The following ABLIM2 variants were observed in gnomAD, a reference collection of about 807,000 sequenced individuals.
The protein encoded by ABLIM2 is actin binding LIM protein family member 2.
Under a neutral mutation model 97.7 loss-of-function variants are expected in ABLIM2, and 53 were observed. The ratio of observed to expected loss-of-function variants is 0.54; its 90% CI spans 0.44 to 0.68. The LOEUF (loss-of-function observed/expected upper bound fraction) is 0.68, where lower values mean the gene tolerates loss of function less well. Among genes scored for constraint, ABLIM2 ranks in the 30% least tolerant of loss-of-function variants. The pLI, the probability that ABLIM2 is intolerant of heterozygous loss-of-function variation, is 0.00. For missense variants in ABLIM2, 835 were observed against 867.2 expected (o/e 0.96, Z 0.47); for synonymous variants, 361 against 345.8 (o/e 1.04, Z -0.49).
chr4:8,075,328 C>G lies in ABLIM2; in HGVS notation c.675+2300G>C, dbSNP rs1015987509. 6.6e-6 allele frequency among the ~76,000 whole-genome samples: 1 copy of G among 152,078 alleles called. No individual in the cohort carries two copies. Among genetic ancestry groups the G allele is most frequent in the Non-Finnish European group, 1.5e-5 (1 of 68,024 alleles). ...ACAGCTAAAAGGTATGGGGTTCTTT[C>G]TAAGGTGAGGAAACTGTTCTAAAAT... On this transcript the variant is annotated intron_variant, in intron 6 of 20. Coordinates refer to ENST00000447017, the MANE Select transcript of ABLIM2 (RefSeq NM_001130083.2). This position sits in a 1 kb window ranked among gnomAD's most constrained non-coding sequence, Gnocchi z 4.4.
chr4:8,155,994 C>T lies in ABLIM2; in HGVS notation c.10+2686G>A, dbSNP rs1014861593. Among the ~76,000 whole-genome samples the T allele has an allele frequency of 6.6e-6, 1 of 152,184 alleles. No homozygotes were observed. The highest frequency in any genetic ancestry group is 1.5e-5 in the Non-Finnish European group (1 of 68,028). Reference sequence around the variant, plus strand: ...GAATCAGCAAAAAAATAAGTGTCTTCTCTTTAAGCCACCTGGTCTTTAGTA... The same window carrying T: ...GAATCAGCAAAAAAATAAGTGTCTTTTCTTTAAGCCACCTGGTCTTTAGTA... On this transcript the variant is annotated intron_variant, in intron 1 of 20. Coordinates refer to ENST00000447017, the MANE Select transcript of ABLIM2 (RefSeq NM_001130083.2). This position sits in a 1 kb window ranked among gnomAD's most constrained non-coding sequence, Gnocchi z 4.2.
Position 8,112,026 on chromosome 4 carries a change from A to T in ABLIM2, c.11-5389T>A, listed in dbSNP as rs1026044081. On this transcript the variant is annotated intron_variant, in intron 1 of 20. Coordinates refer to ENST00000447017, the MANE Select transcript of ABLIM2 (RefSeq NM_001130083.2). This position sits in a 1 kb window ranked among gnomAD's most constrained non-coding sequence, Gnocchi z 4.2. ...ATTGGCTCCAATAATTTGGCTTAACAAGTCTCTAACTGTGATAATAACATA... is the reference window on the plus strand; with the variant it reads ...ATTGGCTCCAATAATTTGGCTTAACTAGTCTCTAACTGTGATAATAACATA... Among the ~76,000 whole-genome samples, 2 of 152,214 alleles carry T rather than the reference A, an allele frequency of 1.3e-5. No individual in the cohort carries two copies. The highest frequency in any genetic ancestry group is 2.9e-5 in the Non-Finnish European group (2 of 68,042).
Position 8,046,048 on chromosome 4 carries a change from G to C in ABLIM2, c.823-807C>G, listed in dbSNP as rs1314587513. Reference sequence around the variant, plus strand: ...CACACAACTTAGAAATGGCCCTTCGGAGCCCCCTGGCAGCCACTCTCCCAA... The same window carrying C: ...CACACAACTTAGAAATGGCCCTTCGCAGCCCCCTGGCAGCCACTCTCCCAA... On this transcript the variant is annotated intron_variant, in intron 8 of 20. Transcript: ENST00000447017. The surrounding 1 kb of genome is among the most constrained non-coding windows in gnomAD (Gnocchi z 4.4). Among the ~76,000 whole-genome samples the C allele has an allele frequency of 6.6e-6, 1 of 152,042 alleles. No individual in the cohort carries two copies. The highest frequency in any genetic ancestry group is 2.4e-5 in the African/African-American group (1 of 41,380).
At chr4:8,066,189 C>A (rs1398161286) in intron 6 of ABLIM2, among the ~76,000 whole-genome samples, 3 of 150,784 alleles carry the variant, frequency 2.0e-5, no homozygotes, top group Non-Finnish European at 4.4e-5. Flanking sequence ...GTCTGTAGTC[C>A]CAGCTAATCA....
chr4:8,045,319 C>T, intron 8 of ABLIM2, 78 bp from the exon 9 acceptor site: 1 of 1,296,940 alleles, frequency 7.7e-7, no homozygotes, highest in Non-Finnish European at 1.1e-6. Flanking sequence ...AGGAGTTCCA[C>T]TCCAGCAGCC....
intron 1 of ABLIM2, among the ~76,000 whole-genome samples, chr4:8,110,286 C>T (rs1466906427): frequency 1.3e-5 from 2 of 152,230 alleles, no homozygotes; most frequent in Non-Finnish European, 2.9e-5. Flanking sequence ...GAGGTTCACG[C>T]TGCTGGAATC....
In ABLIM2 at chr4:8,004,286, G is replaced by A. The variant is rs989172010; in HGVS notation, c.1618+3773C>T. ...CACAGAAAGTGACAGAAAATGCCAA[G>A]CCACAGGCAGGTTGGGGGTGAAGTG... On this transcript the variant is annotated intron_variant, in intron 16 of 20. Transcript: ENST00000447017. This position sits in a 1 kb window ranked among gnomAD's most constrained non-coding sequence, Gnocchi z 5.9. 1.3e-5 allele frequency among the ~76,000 whole-genome samples: 2 copies of A among 152,178 alleles called. No homozygotes were observed. Among genetic ancestry groups the A allele is most frequent in the East Asian group, 1.9e-4 (1 of 5,144 alleles).
chr4:7,989,690 T>C (rs906962634), intron 17 of ABLIM2, among the ~76,000 whole-genome samples: 18 of 152,246 alleles, frequency 1.2e-4, no homozygotes, highest in African/African-American at 2.4e-4. Flanking sequence ...CATCTTATGA[T>C]AACACATCTG....
intron 16 of ABLIM2, among the ~76,000 whole-genome samples, chr4:8,000,516 A>G (rs902512307): frequency 4.6e-5 from 7 of 152,160 alleles, no homozygotes; most frequent in African/African-American, 1.7e-4. Flanking sequence ...CCAAGGTCAC[A>G]CAGCAAGTGA....
intron 1 of ABLIM2, among the ~76,000 whole-genome samples, chr4:8,157,364 T>C (rs1715700078): frequency 6.6e-6 from 1 of 152,224 alleles, no homozygotes; most frequent in African/African-American, 2.4e-5. Context: ...GTCTGGAGGT[T>C]CTGCCAAGTC....
chr4:8,029,367 G>C (rs900819172), intron 11 of ABLIM2, among the ~76,000 whole-genome samples: 2 of 152,118 alleles, frequency 1.3e-5, no homozygotes, highest in African/African-American at 4.8e-5. Flanking sequence ...GAATCTAAGC[G>C]CTCAGCGTGT....
rs73077911 is a variant in ABLIM2 at position 8,147,775 on chromosome 4, C to G, written c.10+10905G>C. Among the ~76,000 whole-genome samples, 2,427 of 152,314 alleles carry G rather than the reference C, an allele frequency of 0.016. 62 individuals carry two copies. The highest frequency in any genetic ancestry group is 0.056 in the African/African-American group (2,308 of 41,566). ...GACATTGAACTGCTGGCCTCCAGAGCTGGGAGGAAATGCCTTCTCTTGCTT... is the reference window on the plus strand; with the variant it reads ...GACATTGAACTGCTGGCCTCCAGAGGTGGGAGGAAATGCCTTCTCTTGCTT... On this transcript the variant is annotated intron_variant, in intron 1 of 20. Transcript: ENST00000447017. The surrounding 1 kb of genome is among the most constrained non-coding windows in gnomAD (Gnocchi z 5.3).
chr4:8,107,719 A>C (rs554234724), intron 1 of ABLIM2, among the ~76,000 whole-genome samples: 1 of 152,254 alleles, frequency 6.6e-6, no homozygotes, highest in South Asian at 2.1e-4. Context: ...CCCCTTTCTA[A>C]TCCCCGGAAC....
chr4:8,154,206 C>G (rs1265473184), intron 1 of ABLIM2, among the ~76,000 whole-genome samples: 2 of 151,360 alleles, frequency 1.3e-5, no homozygotes, highest in African/African-American at 4.9e-5. Flanking sequence ...TTGTGATCCA[C>G]CCGCCTCGGC....
At chr4:7,976,257 C>T (rs1443997387) in intron 20 of ABLIM2, among the ~76,000 whole-genome samples, 1 of 152,186 alleles carries the variant, frequency 6.6e-6, no homozygotes, top group Non-Finnish European at 1.5e-5. Flanking sequence ...TTTTCCATCA[C>T]CAAGTTCCGC....
intron 1 of ABLIM2, among the ~76,000 whole-genome samples, 192 bp from the exon 2 acceptor site, chr4:8,106,829 A>C: frequency 6.6e-6 from 1 of 152,330 alleles, no homozygotes; most frequent in East Asian, 1.9e-4. Flanking sequence ...CAGATTATGC[A>C]GGGGTTAGGG....
At chr4:8,012,099 TGCCCATCCATCCACCCATCCTTC>T (rs1169878850) in intron 14 of ABLIM2, among the ~76,000 whole-genome samples, 6 of 150,104 alleles carry the variant, frequency 4.0e-5, no homozygotes, top group Admixed American at 1.3e-4. Flanking sequence ...ATCATCCATC[TGCCCATCCATCCACCCATCCTTC>T]ACCCATCCAT....
At chr4:8,090,167 G>A (rs895114324) in intron 3 of ABLIM2, among the ~76,000 whole-genome samples, 1 of 152,188 alleles carries the variant, frequency 6.6e-6, no homozygotes, top group African/African-American at 2.4e-5. Context: ...CCATGCCCGT[G>A]TTGCCACCGT....
chr4:7,971,212 C>T (rs1309766088), intron 20 of ABLIM2, among the ~76,000 whole-genome samples: 1 of 152,142 alleles, frequency 6.6e-6, no homozygotes, highest in Non-Finnish European at 1.5e-5. Flanking sequence ...CAGGCTTTCT[C>T]CATGGGTCTG....
Sources: gnomAD v4.1 joint callset for allele counts (sites outside exome capture counted in the v4.1 genomes callset) on GRCh38, gnomAD v4.1.1 for gene constraint, Gnocchi (gnomAD v3.1) non-coding constraint, MANE v1.5 for transcripts, NCBI Gene and HGNC (gene_info 2026-07-23, HGNC 2026-07-21) for gene names.